The following CCNY variants were observed in gnomAD, a reference collection of about 807,000 sequenced individuals.
CCNY encodes cyclin Y, also known as cyclin-Y.
A neutral mutation model predicts 42.8 loss-of-function variants in CCNY; 19 were observed. That is an observed-to-expected ratio of 0.44 (90% CI 0.31 to 0.65). The LOEUF is 0.65. Ranked by LOEUF, CCNY falls within the 30% of genes least tolerant of loss-of-function variation. The pLI, the probability that CCNY is intolerant of heterozygous loss-of-function variation, is 0.07. For missense variants in CCNY, 370 were observed against 437.3 expected (o/e 0.85, Z 1.37); for synonymous variants, 165 against 162.7 (o/e 1.01, Z -0.11).
intron 1 of CCNY, among the ~76,000 whole-genome samples, chr10:35,366,674 C>T (rs764235792): frequency 1.3e-5 from 2 of 152,192 alleles, no homozygotes; most frequent in East Asian, 1.9e-4. Context: ...CCATTTTACC[C>T]TCTTGGAACT....
At chr10:35,487,881 A>G (rs1317914490) in intron 2 of CCNY, among the ~76,000 whole-genome samples, 1 of 152,184 alleles carries the variant, frequency 6.6e-6, no homozygotes, top group Non-Finnish European at 1.5e-5. Flanking sequence ...GAGACCTGCC[A>G]TGGTTTTTCA....
intron 1 of CCNY, among the ~76,000 whole-genome samples, chr10:35,407,936 T>A (rs538838351): frequency 2.0e-5 from 3 of 152,306 alleles, no homozygotes; most frequent in African/African-American, 7.2e-5. Flanking sequence ...TCGCAATGAT[T>A]AAACACCAAG....
rs1324942531 is a variant in CCNY at position 35,569,366 on chromosome 10, T to G, written c.*196T>G. The G allele has an allele frequency of 6.9e-6, 4 of 579,326 alleles. No homozygotes were observed. The highest frequency in any genetic ancestry group is 1.2e-5 in the Non-Finnish European group (4 of 324,032). 35.9% of individuals were successfully genotyped at this position (579,326 alleles called of 1,614,324 possible). A position where few individuals can be genotyped will look rare whatever the true frequency, so the allele number is the denominator to read the frequency against. On this transcript the variant is annotated 3_prime_UTR_variant, in exon 10 of 10. Transcript: ENST00000374704. ...CAGTGCCCTGGAGATCCCAGCTCGC[T>G]CTCCCCACTGTCAGCAACAGCACTT...
chr10:35,441,386 T>C, intron 1 of CCNY, among the ~76,000 whole-genome samples: 1 of 152,210 alleles, frequency 6.6e-6, no homozygotes, highest in East Asian at 1.9e-4. Context: ...TTCCTATGTA[T>C]CTGCATTGTG....
chr10:35,421,857 A>G (rs144978489), intron 1 of CCNY, among the ~76,000 whole-genome samples: 265 of 152,330 alleles, frequency 1.7e-3, no homozygotes, highest in Admixed American at 3.5e-3. Context: ...ATATAAATAC[A>G]GTAATTTCTG....
chr10:35,558,210 G>A (rs1393392693), intron 8 of CCNY, among the ~76,000 whole-genome samples: 1 of 152,154 alleles, frequency 6.6e-6, no homozygotes, highest in African/African-American at 2.4e-5. Flanking sequence ...TCCTCAGAGG[G>A]AGTTCCCCCT....
intron 3 of CCNY, among the ~76,000 whole-genome samples, chr10:35,329,378 C>T (rs561875065): frequency 2.0e-4 from 30 of 152,168 alleles, no homozygotes; most frequent in Middle Eastern, 3.4e-3. Context: ...GGTGAAACCC[C>T]ATCTCTACTA....
intron 1 of CCNY, among the ~76,000 whole-genome samples, chr10:35,343,434 G>C (rs1589047398): frequency 8.5e-6 from 1 of 118,104 alleles, no homozygotes; most frequent in Non-Finnish European, 1.6e-5. Flanking sequence ...TTATTGCCCA[G>C]GCTGGAGTGC....
chr10:35,359,795 A>G lies in CCNY; in HGVS notation c.154+22588A>G, dbSNP rs922449322. Among the ~76,000 whole-genome samples, 61 of 152,184 alleles carry G rather than the reference A, an allele frequency of 4.0e-4. 1 individual carries two copies. Among genetic ancestry groups the G allele is most frequent in the African/African-American group, 1.5e-3 (61 of 41,460 alleles). The stretch of plus-strand genomic sequence containing the variant: ...CAAGTCCTCATTTCCTCATCCCCCC[A>G]GATCCTGGTGACCACCATTCTTTTG... On this transcript the variant is annotated intron_variant, in intron 1 of 9. Coordinates refer to ENST00000374704, the MANE Select transcript of CCNY (RefSeq NM_145012.6).
intron 1 of CCNY, among the ~76,000 whole-genome samples, chr10:35,397,858 A>C (rs1837558043): frequency 6.6e-6 from 1 of 152,158 alleles, no homozygotes; most frequent in Admixed American, 6.5e-5. Context: ...TAGGTGGATT[A>C]AAGAGAGGAC....
chr10:35,559,455 A>G (rs1341369602), intron 8 of CCNY, among the ~76,000 whole-genome samples: 1 of 152,216 alleles, frequency 6.6e-6, no homozygotes, highest in Non-Finnish European at 1.5e-5. Context: ...AAGGAACCAA[A>G]TCTTCTAGCT....
intron 1 of CCNY, among the ~76,000 whole-genome samples, chr10:35,398,525 G>A (rs1837573670): frequency 6.6e-6 from 1 of 152,056 alleles, no homozygotes; most frequent in African/African-American, 2.4e-5. Context: ...TGTTTTGACT[G>A]CTGGGACCAA....
At chr10:35,366,355 A>G (rs1299591515) in intron 1 of CCNY, among the ~76,000 whole-genome samples, 1 of 152,236 alleles carries the variant, frequency 6.6e-6, no homozygotes, top group African/African-American at 2.4e-5. Flanking sequence ...AGTTGAATCT[A>G]AATTTAAGAA....
intron 2 of CCNY, among the ~76,000 whole-genome samples, chr10:35,500,819 G>T (rs1167538340): frequency 6.6e-6 from 1 of 152,228 alleles, no homozygotes; most frequent in Non-Finnish European, 1.5e-5. Flanking sequence ...AGGCTGAGCT[G>T]CTCAGCACAG....
intron 3 of CCNY, among the ~76,000 whole-genome samples, chr10:35,299,817 A>ATGTTTTTAT (rs1835512093): frequency 6.6e-6 from 1 of 152,034 alleles, no homozygotes; most frequent in African/African-American, 2.4e-5. Flanking sequence ...TTTATACCAT[A>ATGTTTTTAT]TGTTTTTATT....
intron 1 of CCNY, among the ~76,000 whole-genome samples, chr10:35,440,200 A>G (rs1935724271): frequency 6.6e-6 from 1 of 152,188 alleles, no homozygotes; most frequent in South Asian, 2.1e-4. Context: ...TTCTTTGGAC[A>G]GAGAGAGCAG....
intron 3 of CCNY, among the ~76,000 whole-genome samples, chr10:35,259,221 T>A (rs1034986487): frequency 2.0e-5 from 3 of 152,196 alleles, no homozygotes; most frequent in Non-Finnish European, 4.4e-5. Context: ...GGCCTTTGTT[T>A]GAAAGTATAG....
chr10:35,324,179 TAG>T (rs1176027890), intron 3 of CCNY, among the ~76,000 whole-genome samples: 1 of 152,150 alleles, frequency 6.6e-6, no homozygotes, highest in Non-Finnish European at 1.5e-5. Context: ...CTGGCACTCA[TAG>T]CTCAAAGCCT....
chr10:35,561,564 G>T (rs530573899), intron 8 of CCNY, among the ~76,000 whole-genome samples: 2 of 152,262 alleles, frequency 1.3e-5, no homozygotes, highest in African/African-American at 4.8e-5. Context: ...GCAGGGAGAG[G>T]GCTCACAGGT....
Sources: allele counts gnomAD v4.1 joint callset (sites outside exome capture counted in the v4.1 genomes callset), GRCh38; gene constraint gnomAD v4.1.1; transcripts MANE v1.5; gene names NCBI Gene and HGNC (gene_info 2026-07-23, HGNC 2026-07-21).